The following SMARCA2 variants were observed in gnomAD, a reference collection of about 807,000 sequenced individuals.
The protein encoded by SMARCA2 is SWI/SNF-related matrix-associated actin-dependent regulator of chromatin subfamily A member 2.
A neutral mutation model predicts 199.8 loss-of-function variants in SMARCA2; 61 were observed. The observed-to-expected ratio is 0.31, with a 90% CI of 0.25 to 0.38. SMARCA2 has a LOEUF of 0.38. Among genes scored for constraint, SMARCA2 ranks in the 10% least tolerant of loss-of-function variants. The pLI, the probability that SMARCA2 is intolerant of heterozygous loss-of-function variation, is 1.00. For synonymous variants in SMARCA2, 935 were observed against 732.0 expected (o/e 1.28, Z -4.48); for missense variants, 1,344 against 2,012.2 (o/e 0.67, Z 6.35).
At position 2,119,313 on chromosome 9, in the gene SMARCA2, C is replaced by A. The variant is rs1012362598; in HGVS notation, c.3685-145C>A. ...GTTTTAATAGCTTGTAAAATAGTAACGTCAAGGACTAAATCCAGCAACCCC... is the reference window on the plus strand; with the variant it reads ...GTTTTAATAGCTTGTAAAATAGTAAAGTCAAGGACTAAATCCAGCAACCCC... On this transcript the variant is annotated intron_variant, in intron 25 of 33. Coordinates refer to ENST00000349721, the MANE Select transcript of SMARCA2 (RefSeq NM_003070.5). The surrounding 1 kb of genome is among the most constrained non-coding windows in gnomAD (Gnocchi z 4.6). The A allele has an allele frequency of 1.7e-6, 1 of 592,594 alleles. No individual in the cohort carries two copies. The highest frequency in any genetic ancestry group is 2.8e-5 in the East Asian group (1 of 35,404). The allele number at this position is 592,594 out of a possible 1,614,324, so 36.7% of individuals were successfully genotyped here. A position where few individuals can be genotyped will look rare whatever the true frequency, so the allele number is the denominator to read the frequency against.
At chr9:2,060,713 C>T in intron 8 of SMARCA2, 103 bp from the exon 9 acceptor site, 1 of 1,090,046 alleles carries the variant, frequency 9.2e-7, no homozygotes, top group Non-Finnish European at 1.3e-6. Context: ...TTGCTACACT[C>T]CTACCAGTCA....
At chr9:2,107,481 C>T (rs544514140) in intron 23 of SMARCA2, among the ~76,000 whole-genome samples, 1 of 152,284 alleles carries the variant, frequency 6.6e-6, no homozygotes, top group Non-Finnish European at 1.5e-5. Context: ...CCATGCCCAG[C>T]TAACTTTTAT....
In SMARCA2 at chr9:2,056,908, A is replaced by G; in HGVS notation, c.1347+63A>G. On this transcript the variant is annotated intron_variant, in intron 7 of 33. Coordinates refer to ENST00000349721, the MANE Select transcript of SMARCA2 (RefSeq NM_003070.5). This position sits in a 1 kb window ranked among gnomAD's most constrained non-coding sequence, Gnocchi z 4.0. Reference sequence around the variant, plus strand: ...CAGAGCTGTCCAATGAATTCATCAAATGGGGTCAGAATGACTGAAAAATGG... The same window carrying G: ...CAGAGCTGTCCAATGAATTCATCAAGTGGGGTCAGAATGACTGAAAAATGG... 1 of 1,464,914 alleles carries G rather than the reference A, an allele frequency of 6.8e-7. No homozygotes were observed. The highest frequency in any genetic ancestry group is 9.4e-7 in the Non-Finnish European group (1 of 1,068,028). The allele number at this position is 1,464,914 out of a possible 1,614,324, so 90.7% of individuals were successfully genotyped here.
chr9:2,118,696 A>G (rs1784820037), intron 25 of SMARCA2, among the ~76,000 whole-genome samples: 2 of 152,254 alleles, frequency 1.3e-5, no homozygotes. Context: ...ATTGCTAAAA[A>G]TCCTGAGAAC....
intron 27 of SMARCA2, among the ~76,000 whole-genome samples, chr9:2,148,400 T>G (rs922079179): frequency 4.0e-5 from 6 of 151,538 alleles, no homozygotes; most frequent in Non-Finnish European, 5.9e-5. Context: ...TCCTTCAGAT[T>G]TATTGACTAT....
intron 27 of SMARCA2, among the ~76,000 whole-genome samples, chr9:2,146,764 T>A (rs970765894): frequency 6.6e-6 from 1 of 152,182 alleles, no homozygotes; most frequent in Non-Finnish European, 1.5e-5. Context: ...ATAGGGTAAC[T>A]TCCTGATGTT....
chr9:2,036,229 T>G (rs1819326373), intron 3 of SMARCA2, among the ~76,000 whole-genome samples: 1 of 151,786 alleles, frequency 6.6e-6, no homozygotes, highest in Admixed American at 6.6e-5. Flanking sequence ...TAGAGAAAAT[T>G]CATGTAGAAT....
intron 2 of SMARCA2, 69 bp from the exon 3 acceptor site, chr9:2,032,883 T>C (rs1819133598): frequency 3.5e-6 from 5 of 1,429,318 alleles, no homozygotes; most frequent in Admixed American, 1.9e-5. Flanking sequence ...TAGGAAGGGG[T>C]CTGAAAACTC....
At chr9:2,167,146 A>G (rs1021556569) in intron 28 of SMARCA2, among the ~76,000 whole-genome samples, 1 of 152,184 alleles carries the variant, frequency 6.6e-6, no homozygotes, top group Non-Finnish European at 1.5e-5. Context: ...GATTTCCTAA[A>G]TGTTATTAGC....
intron 26 of SMARCA2, among the ~76,000 whole-genome samples, chr9:2,121,884 T>C (rs1213605499): frequency 1.3e-5 from 2 of 152,206 alleles, no homozygotes; most frequent in African/African-American, 2.4e-5. Flanking sequence ...TTAGATGCTA[T>C]GTTCTCTACA....
At chr9:2,026,932 C>G (rs1439824082) in intron 1 of SMARCA2, among the ~76,000 whole-genome samples, 1 of 152,176 alleles carries the variant, frequency 6.6e-6, no homozygotes, top group Non-Finnish European at 1.5e-5. Flanking sequence ...CTGTAATTCA[C>G]TGTTGAGGCT....
At chr9:2,137,236 C>T (rs1165739554) in intron 27 of SMARCA2, among the ~76,000 whole-genome samples, 1 of 152,202 alleles carries the variant, frequency 6.6e-6, no homozygotes, top group Non-Finnish European at 1.5e-5. Context: ...TACCTTTCCT[C>T]CTTGTTCACA....
intron 2 of SMARCA2, among the ~76,000 whole-genome samples, chr9:2,030,722 C>G (rs1216467260): frequency 6.6e-6 from 1 of 152,060 alleles, no homozygotes; most frequent in African/African-American, 2.4e-5. Flanking sequence ...ACCTGAGGCC[C>G]AGTCAAGTTG....
Position 2,170,711 on chromosome 9 carries a change from G to C in SMARCA2, c.4253+239G>C, listed in dbSNP as rs1476468945. Among the ~76,000 whole-genome samples the C allele has an allele frequency of 6.6e-6, 1 of 152,132 alleles. No individual in the cohort carries two copies. The highest frequency in any genetic ancestry group is 1.5e-5 in the Non-Finnish European group (1 of 68,022). ...ATTCTATACATGCACTCCTTACAAG[G>C]GTATTGGGAGCTCCTGGAAAGCCCG... On this transcript the variant is annotated intron_variant, in intron 29 of 33. Transcript: ENST00000349721. The surrounding 1 kb of genome is among the most constrained non-coding windows in gnomAD (Gnocchi z 4.7).
chr9:2,051,237 C>T (rs1820105101), intron 5 of SMARCA2, among the ~76,000 whole-genome samples: 1 of 152,186 alleles, frequency 6.6e-6, no homozygotes, highest in Non-Finnish European at 1.5e-5. Flanking sequence ...TATAATTTTA[C>T]TATGGAGTCT....
At chr9:2,050,313 C>T (rs1820059495) in intron 5 of SMARCA2, among the ~76,000 whole-genome samples, 1 of 151,886 alleles carries the variant, frequency 6.6e-6, no homozygotes, top group Non-Finnish European at 1.5e-5. Context: ...GAGATGTTTC[C>T]CTGTACTGCT....
At chr9:2,043,756 C>T (rs1437830346) in intron 4 of SMARCA2, 1 of 152,078 alleles carries the variant, frequency 6.6e-6, no homozygotes, top group Non-Finnish European at 1.5e-5. Context: ...ACATTGTTAC[C>T]CTATTGCATC....
At chr9:2,036,521 A>G (rs1180024515) in intron 3 of SMARCA2, among the ~76,000 whole-genome samples, 1 of 152,172 alleles carries the variant, frequency 6.6e-6, no homozygotes, top group Non-Finnish European at 1.5e-5. Context: ...TATCACTTAG[A>G]TTCTGTTTTT....
At chr9:2,057,027 C>G (rs1033676317) in intron 7 of SMARCA2, among the ~76,000 whole-genome samples, 182 bp downstream of exon 7, 2 of 152,138 alleles carry the variant, frequency 1.3e-5, no homozygotes, top group Non-Finnish European at 2.9e-5. Context: ...GACGCTTAAG[C>G]CAGGACGTAT....
Sources: allele counts gnomAD v4.1 joint callset (sites outside exome capture counted in the v4.1 genomes callset), GRCh38; gene constraint gnomAD v4.1.1; non-coding constraint Gnocchi (gnomAD v3.1); transcripts MANE v1.5; gene names NCBI Gene and HGNC (gene_info 2026-07-23, HGNC 2026-07-21).